The following CHST9 variants were observed in gnomAD, a reference collection of about 807,000 sequenced individuals.
The protein encoded by CHST9 is carbohydrate sulfotransferase 9.
In CHST9, 41 loss-of-function variants were observed where a neutral mutation model predicts 44.4. The ratio of observed to expected loss-of-function variants is 0.92; its 90% confidence interval spans 0.72 to 1.20. The LOEUF (loss-of-function observed/expected upper bound fraction) is 1.20, where lower values mean the gene tolerates loss of function less well. Among genes scored for constraint, CHST9 ranks in the 50% most tolerant of loss-of-function variants. CHST9 has a pLI of 0.00. For missense variants in CHST9, 504 were observed against 516.5 expected (o/e 0.98, Z 0.23); for synonymous variants, 171 against 178.4 (o/e 0.96, Z 0.33).
At chr18:27,095,325 A>C (rs541974805) in intron 2 of CHST9, among the ~76,000 whole-genome samples, 1 of 152,268 alleles carries the variant, frequency 6.6e-6, no homozygotes, top group East Asian at 1.9e-4. Context: ...GGTTGATGCT[A>C]CCGTAAAGAC....
chr18:26,916,570 G>T lies in CHST9; in HGVS notation c.1021C>A (p.His341Asn). 1 of 1,613,620 alleles carries T rather than the reference G, an allele frequency of 6.2e-7. No homozygotes were observed. Among genetic ancestry groups the T allele is most frequent in the Non-Finnish European group, 8.5e-7 (1 of 1,179,582 alleles). ...KEFIHYLLDS[H>N]RPVGMDIHWE... ...TGAATGTCCATTCCTACTGGACGGT[G>T]GGAATCCAGCAAGTAGTGGATAAAC... Residue 341 changes from histidine (H) to asparagine (N), a missense_variant, in exon 6 of 6, where the codon CAC (histidine) becomes AAC (asparagine). His to Asn is a moderately conservative substitution (Grantham distance 68). Coordinates refer to ENST00000618847, the MANE Select transcript of CHST9 (RefSeq NM_031422.6).
At chr18:26,972,683 A>G (rs2145173822) in intron 4 of CHST9, among the ~76,000 whole-genome samples, 1 of 152,230 alleles carries the variant, frequency 6.6e-6, no homozygotes, top group Middle Eastern at 3.4e-3. Flanking sequence ...TTGATAAAGG[A>G]TCTGTGTTGG....
chr18:27,100,034 TAC>T (rs2058155872), intron 2 of CHST9, among the ~76,000 whole-genome samples: 1 of 103,132 alleles, frequency 9.7e-6, no homozygotes, highest in African/African-American at 3.8e-5. Flanking sequence ...TATATATATA[TAC>T]ACACACACAT....
intron 2 of CHST9, among the ~76,000 whole-genome samples, chr18:27,070,745 T>G (rs765951002): frequency 1.5e-4 from 23 of 152,216 alleles, no homozygotes; most frequent in Non-Finnish European, 2.8e-4. Context: ...TGCTTTTTGT[T>G]GTCCTTGCTT....
chr18:27,125,660 G>A lies in CHST9; in HGVS notation c.121+17029C>T, dbSNP rs2058414357. Among the ~76,000 whole-genome samples the A allele has an allele frequency of 2.6e-5, 4 of 152,302 alleles. No homozygotes were observed. The South Asian group carries it at 8.3e-4, about 32-fold the overall frequency. On this transcript the variant is annotated intron_variant, in intron 2 of 5. Coordinates refer to ENST00000618847, the MANE Select transcript of CHST9 (RefSeq NM_031422.6). ...GCAGCCACCCACATATCAGTTAAAT[G>A]TCAATGGGAAAGAAGAAAATGGCAT...
chr18:27,045,803 A>G (rs980118211), intron 3 of CHST9, among the ~76,000 whole-genome samples: 5 of 152,048 alleles, frequency 3.3e-5, no homozygotes, highest in African/African-American at 1.2e-4. Flanking sequence ...TCACACATGA[A>G]TCAATAGCCC....
chr18:26,920,916 C>T (rs1399958063), intron 5 of CHST9, among the ~76,000 whole-genome samples: 1 of 152,162 alleles, frequency 6.6e-6, no homozygotes, highest in African/African-American at 2.4e-5. Context: ...CCAAACCTGT[C>T]GAGGGCTTGC....
rs137990212 is a variant in CHST9, at chr18:26,928,798, C to G, written c.241-11448G>C. 3.5e-3 allele frequency among the ~76,000 whole-genome samples: 529 copies of G among 152,238 alleles called. 3 individuals carry two copies. The highest frequency in any genetic ancestry group is 0.012 in the African/African-American group (517 of 41,544). On this transcript the variant is annotated intron_variant, in intron 5 of 5. Coordinates refer to ENST00000618847, the MANE Select transcript of CHST9 (RefSeq NM_031422.6). ...CGAGTTCTGGCAATTCCAGTCTGCT[C>G]TACAGGCGGGCAGGGTGGACTCACT...
chr18:26,962,799 G>A lies in CHST9; in HGVS notation c.203-18433C>T, dbSNP rs1490595466. ...GTATTGAGATCCAAGGCCGCTTCAGGCAGTATCTCCGCAGGTGTCTGGTAT... is the reference window on the plus strand; with the variant it reads ...GTATTGAGATCCAAGGCCGCTTCAGACAGTATCTCCGCAGGTGTCTGGTAT... On this transcript the variant is annotated intron_variant, in intron 4 of 5. Coordinates refer to ENST00000618847, the MANE Select transcript of CHST9 (RefSeq NM_031422.6). Among the ~76,000 whole-genome samples the A allele has an allele frequency of 5.3e-5, 8 of 152,262 alleles. No individual in the cohort carries two copies. In the East Asian group the frequency reaches 1.5e-3, roughly 29 times the overall value.
intron 4 of CHST9, among the ~76,000 whole-genome samples, chr18:26,949,948 T>C (rs1378613547): frequency 6.6e-6 from 1 of 152,202 alleles, no homozygotes; most frequent in Non-Finnish European, 1.5e-5. Flanking sequence ...AGGACATAGA[T>C]GACTCCTAGA....
intron 3 of CHST9, among the ~76,000 whole-genome samples, chr18:27,039,740 C>A (rs564576101): frequency 1.3e-5 from 2 of 151,900 alleles, no homozygotes; most frequent in Admixed American, 1.3e-4. Flanking sequence ...CCTATTGCTG[C>A]AGAAAGATAT....
intron 4 of CHST9, among the ~76,000 whole-genome samples, chr18:26,966,261 G>C (rs2056463230): frequency 6.6e-6 from 1 of 152,106 alleles, no homozygotes; most frequent in South Asian, 2.1e-4. Flanking sequence ...AAAAAATCAA[G>C]TACAAAGTAT....
At chr18:27,130,064 T>TAGTTCCAG (rs753379537) in intron 2 of CHST9, among the ~76,000 whole-genome samples, 17 of 152,222 alleles carry the variant, frequency 1.1e-4, no homozygotes, top group Non-Finnish European at 2.4e-4. Flanking sequence ...AATTCTGTTT[T>TAGTTCCAG]AGTTCCAGTT....
chr18:26,932,730 A>T (rs112799644), intron 5 of CHST9, among the ~76,000 whole-genome samples: 9 of 152,204 alleles, frequency 5.9e-5, no homozygotes, highest in Non-Finnish European at 8.8e-5. Context: ...CTGAGTGTTC[A>T]GTTGCAGTAT....
intron 1 of CHST9, among the ~76,000 whole-genome samples, chr18:27,159,077 G>T (rs1403908027): frequency 6.6e-6 from 1 of 152,120 alleles, no homozygotes; most frequent in Non-Finnish European, 1.5e-5. Flanking sequence ...CACTCTGATG[G>T]TAGTTTCTTT....
At chr18:26,990,497 A>G (rs536620440) in intron 4 of CHST9, among the ~76,000 whole-genome samples, 1 of 152,320 alleles carries the variant, frequency 6.6e-6, no homozygotes, top group Admixed American at 6.5e-5. Flanking sequence ...TTTAAAAGTT[A>G]TATGTGTTTC....
intron 4 of CHST9, among the ~76,000 whole-genome samples, chr18:26,984,151 T>A (rs1283172651): frequency 6.6e-6 from 1 of 152,248 alleles, no homozygotes; most frequent in Non-Finnish European, 1.5e-5. Flanking sequence ...TGGAAATTAA[T>A]TTAACTCACT....
At chr18:27,162,679 T>C (rs1598770552) in intron 1 of CHST9, among the ~76,000 whole-genome samples, 1 of 152,246 alleles carries the variant, frequency 6.6e-6, no homozygotes, top group South Asian at 2.1e-4. Context: ...CTTTAAGGAC[T>C]TCTCTGCATT....
intron 1 of CHST9, among the ~76,000 whole-genome samples, chr18:27,158,347 A>C (rs2058715095): frequency 6.6e-6 from 1 of 151,302 alleles, no homozygotes; most frequent in Non-Finnish European, 1.5e-5. Context: ...GAGTAAGAAC[A>C]TGCAGTGTTT....
Sources: gnomAD v4.1 joint callset for allele counts (sites outside exome capture counted in the v4.1 genomes callset) on GRCh38, gnomAD v4.1.1 for gene constraint, MANE v1.5 for transcripts, NCBI Gene and HGNC (gene_info 2026-07-23, HGNC 2026-07-21) for gene names.